The following LRRC37A2 variants were observed in gnomAD, a reference collection of about 807,000 sequenced individuals.
LRRC37A2 encodes the protein leucine-rich repeat-containing protein 37A2.
A neutral mutation model predicts 68.8 loss-of-function variants in LRRC37A2; 9 were observed. The observed-to-expected ratio is 0.13, with a 90% CI of 0.08 to 0.23. LRRC37A2 has a LOEUF of 0.23. Ranked by LOEUF, LRRC37A2 falls within the 10% of genes least tolerant of loss-of-function variation. The pLI, the probability that LRRC37A2 is intolerant of heterozygous loss-of-function variation, is 1.00. For synonymous variants in LRRC37A2, 63 were observed against 367.6 expected, an observed-to-expected ratio of 0.17 and a Z score of 9.48; for missense variants, 168 against 950.4, an observed-to-expected ratio of 0.18 and a Z score of 10.82.
the LRRC37A2 span, among the ~76,000 whole-genome samples, chr17:46,814,568 G>A: frequency 9.9e-5 from 15 of 152,280 alleles, no homozygotes; most frequent in Admixed American, 3.9e-4. Flanking sequence ...ATCCGATCTG[G>A]TATCTGCCCA....
the LRRC37A2 span, among the ~76,000 whole-genome samples, chr17:46,924,089 A>G: frequency 4.0e-3 from 612 of 152,300 alleles, 2 homozygotes; most frequent in African/African-American, 0.014. Flanking sequence ...GAACTTTTTC[A>G]TCATCCCAGT....
chr17:47,040,498 G>A, the LRRC37A2 span, among the ~76,000 whole-genome samples: 3 of 149,796 alleles, frequency 2.0e-5, no homozygotes, highest in African/African-American at 7.3e-5. Flanking sequence ...GCTTGTGTTA[G>A]TAGTTGCTAT....
At chr17:46,535,005 C>G (rs1267003472) in intron 6 of LRRC37A2, among the ~76,000 whole-genome samples, 1 of 150,158 alleles carries the variant, frequency 6.7e-6, no homozygotes, top group African/African-American at 2.5e-5. Context: ...ACCTCCCAGA[C>G]AGGGTCGCGG....
chr17:47,003,868 C>G, the LRRC37A2 span, among the ~76,000 whole-genome samples: 1 of 152,122 alleles, frequency 6.6e-6, no homozygotes, highest in Non-Finnish European at 1.5e-5. Context: ...TTTCCCTTCC[C>G]CCTTCCTCCA....
the LRRC37A2 span, among the ~76,000 whole-genome samples, chr17:46,498,819 T>C: frequency 2.0e-5 from 3 of 149,952 alleles, no homozygotes; most frequent in African/African-American, 7.6e-5. Context: ...CTCTTTAAAA[T>C]ATGTATAGTG....
chr17:46,622,382 C>A, the LRRC37A2 span, among the ~76,000 whole-genome samples: 3 of 149,856 alleles, frequency 2.0e-5, no homozygotes, highest in Admixed American at 6.6e-5. Context: ...GGCGTGAACC[C>A]GGGAGGCGGA....
At chr17:46,961,240 G>A in the LRRC37A2 span, among the ~76,000 whole-genome samples, 1 of 152,118 alleles carries the variant, frequency 6.6e-6, no homozygotes, top group African/African-American at 2.4e-5. Context: ...TTTCAAACTA[G>A]TAGAGACTAT....
At chr17:46,752,155 T>C in the LRRC37A2 span, among the ~76,000 whole-genome samples, 1 of 152,214 alleles carries the variant, frequency 6.6e-6, no homozygotes, top group Non-Finnish European at 1.5e-5. Context: ...TGCAAACTAC[T>C]GTAGGGTTGA....
chr17:46,787,416 C>T, the LRRC37A2 span, among the ~76,000 whole-genome samples: 7 of 152,128 alleles, frequency 4.6e-5, no homozygotes, highest in Non-Finnish European at 8.8e-5. Context: ...CAAAGCTAAG[C>T]GGGACCTTTG....
At chr17:46,894,962 G>A in the LRRC37A2 span, among the ~76,000 whole-genome samples, 2 of 152,182 alleles carry the variant, frequency 1.3e-5, no homozygotes, top group Admixed American at 6.5e-5. Flanking sequence ...GCCTGTGCTC[G>A]GGACGGGACG....
the LRRC37A2 span, among the ~76,000 whole-genome samples, chr17:46,879,353 G>A: frequency 1.3e-5 from 2 of 152,164 alleles, no homozygotes; most frequent in African/African-American, 2.4e-5. Context: ...TCCGCTCTGT[G>A]ATGAGCCCTG....
the LRRC37A2 span, chr17:47,019,629 G>C: frequency 1.2e-3 from 1,797 of 1,437,770 alleles, 99 homozygotes; most frequent in African/African-American, 0.023. Flanking sequence ...TTACATCCAA[G>C]ATAAGGCTTT....
At chr17:46,933,122 T>C in the LRRC37A2 span, 2 of 152,246 alleles carry the variant, frequency 1.3e-5, no homozygotes, top group Non-Finnish European at 2.9e-5. Context: ...CACTAAAAGA[T>C]GTTTGGATTT....
At chr17:46,490,723 CAA>C in the LRRC37A2 span, among the ~76,000 whole-genome samples, 8 of 71,388 alleles carry the variant, frequency 1.1e-4, no homozygotes, top group Admixed American at 3.1e-4. Context: ...GACTTCATCT[CAA>C]AAAAAAAAAA....
the LRRC37A2 span, among the ~76,000 whole-genome samples, chr17:46,392,433 CTT>C: frequency 3.8e-4 from 11 of 28,764 alleles, 4 homozygotes; most frequent in East Asian, 1.2e-3. Flanking sequence ...TTCTTTCTCT[CTT>C]TCTTTCTTTC....
At chr17:46,501,082 A>G in the LRRC37A2 span, among the ~76,000 whole-genome samples, 2 of 151,280 alleles carry the variant, frequency 1.3e-5, 1 homozygote, top group African/African-American at 4.9e-5. Flanking sequence ...TAGAGACAGA[A>G]TATCCCTGTG....
chr17:46,522,732 C>T (rs1367308169), intron 4 of LRRC37A2, among the ~76,000 whole-genome samples: 2 of 6,866 alleles, frequency 2.9e-4, no homozygotes, highest in African/African-American at 2.1e-3. Context: ...CCTGAGCCAC[C>T]GCACCCGGCC....
chr17:46,891,919 T>TTTTTTTTTTTTTTTTTTTTTTC, the LRRC37A2 span, among the ~76,000 whole-genome samples: 1 of 56,272 alleles, frequency 1.8e-5, no homozygotes, highest in Non-Finnish European at 3.0e-5. Context: ...TTTTCTTTTC[T>TTTTTTTTTTTTTTTTTTTTTTC]TTTTTTTTTT....
At chr17:46,871,465 G>C in the LRRC37A2 span, among the ~76,000 whole-genome samples, 1 of 152,148 alleles carries the variant, frequency 6.6e-6, no homozygotes, top group Admixed American at 6.5e-5. Context: ...TAAATCCTTT[G>C]TTTCCTCATC....
Sources: allele counts gnomAD v4.1 joint callset (sites outside exome capture counted in the v4.1 genomes callset), GRCh38; gene constraint gnomAD v4.1.1; transcripts MANE v1.5; gene names NCBI Gene and HGNC (gene_info 2026-07-23, HGNC 2026-07-21).